KLRF2: variants seen among roughly 807,000 people sequenced by gnomAD.
KLRF2 encodes killer cell lectin-like receptor subfamily F member 2.
A neutral mutation model predicts 25.3 loss-of-function variants in KLRF2; 28 were observed. The observed-to-expected ratio is 1.11, with a 90% CI of 0.82 to 1.52. KLRF2 has a LOEUF of 1.52. Ranked by LOEUF, KLRF2 falls within the 40% of genes most tolerant of loss-of-function variation. KLRF2 has a pLI of 0.00. For synonymous variants in KLRF2, 73 were observed against 85.0 expected, an observed-to-expected ratio of 0.86 and a Z score of 0.78; for missense variants, 265 against 245.8, an observed-to-expected ratio of 1.08 and a Z score of -0.52.
chr12:9,882,424 T>C (rs533506049), intron 1 of KLRF2, among the ~76,000 whole-genome samples: 1 of 152,258 alleles, frequency 6.6e-6, no homozygotes, highest in South Asian at 2.1e-4. Context: ...GAAACAAATG[T>C]TTACTTTTTC....
rs543556102 is a variant in KLRF2, at chr12:9,892,843, C to T, written c.218-177C>T. The stretch of plus-strand genomic sequence containing the variant: ...AGGTGATCCACCCACCTCAGCCTCC[C>T]AAAGTGCTGGGATTACAGGCGTGAG... On this transcript the variant is annotated intron_variant, in intron 3 of 5. Coordinates refer to ENST00000535540, the MANE Select transcript of KLRF2 (RefSeq NM_001190765.1). 1.3e-4 allele frequency among the ~76,000 whole-genome samples: 20 copies of T among 150,886 alleles called. No individual in the cohort carries two copies. The South Asian group carries it at 4.0e-3, about 30-fold the overall frequency.
In KLRF2 at chr12:9,893,074, G is replaced by A. The variant is rs1305355755; in HGVS notation, c.272G>A (p.Trp91Ter). 6.5e-7 allele frequency: 1 copy of A among 1,535,384 alleles called. No homozygotes were observed. The highest frequency in any genetic ancestry group is 8.7e-7 in the Non-Finnish European group (1 of 1,146,474). ...CTGTTGAACGAAGGGAAATGTTACT[G>A]GTTTTCAACTTCTTTTAAAACGTGG... ...DWLLNEGKCY[W>*]FSTSFKTWKE... is the part of the protein sequence containing the mutation. Residue 91 changes from tryptophan to a stop codon, truncating the protein, a stop_gained, in exon 4 of 6, where the codon TGG (tryptophan) becomes TAG (stop). Transcript: ENST00000535540. LOFTEE classifies it high-confidence loss of function.
chr12:9,895,787 G>T lies in KLRF2; in HGVS notation c.578G>T (p.Cys193Phe), dbSNP rs568655112. 15 of 1,535,582 alleles carry T rather than the reference G, an allele frequency of 9.8e-6. No individual in the cohort carries two copies. The South Asian group carries it at 1.2e-4, about 12-fold the overall frequency. ...EDCSSTFKGICQRDAILTHNG... is the reference protein window; with the variant it reads ...EDCSSTFKGIFQRDAILTHNG... ...TGTAGCTCCACATTTAAGGGCATTT[G>T]CCAGAGAGATGCGATCTTGACGCAC... Residue 193 changes from cysteine to phenylalanine, a missense_variant, in exon 6 of 6, where the codon TGC (cysteine) becomes TTC (phenylalanine). Coordinates refer to ENST00000535540, the MANE Select transcript of KLRF2 (RefSeq NM_001190765.1).
chr12:9,885,609 G>C (rs1271453004), intron 2 of KLRF2, among the ~76,000 whole-genome samples: 2 of 151,920 alleles, frequency 1.3e-5, no homozygotes, highest in Non-Finnish European at 2.9e-5. Flanking sequence ...CTGTAGCGTA[G>C]AAGATCCTTT....
intron 2 of KLRF2, among the ~76,000 whole-genome samples, chr12:9,887,703 C>T (rs1224312696): frequency 2.7e-5 from 4 of 149,790 alleles, no homozygotes; most frequent in Non-Finnish European, 4.4e-5. Flanking sequence ...GCTGAAGGAA[C>T]TTGATGATAT....
At chr12:9,893,570 C>A in intron 5 of KLRF2, 29 bp downstream of exon 5, 1 of 847,608 alleles carries the variant, frequency 1.2e-6, no homozygotes, top group Admixed American at 2.5e-5. Flanking sequence ...GGGAGGGGTG[C>A]TAATGTTTAT....
chr12:9,893,946 T>G (rs1862719918), intron 5 of KLRF2, among the ~76,000 whole-genome samples: 1 of 152,162 alleles, frequency 6.6e-6, no homozygotes, highest in African/African-American at 2.4e-5. Flanking sequence ...GGTCTGGAGT[T>G]GAAATCAGAA....
chr12:9,883,435 C>T (rs1169625911), intron 1 of KLRF2, among the ~76,000 whole-genome samples: 4 of 152,194 alleles, frequency 2.6e-5, no homozygotes, highest in Non-Finnish European at 5.9e-5. Flanking sequence ...CTCTGTTCAC[C>T]TGGCTTGATA....
intron 1 of KLRF2, 29 bp from the exon 2 acceptor site, chr12:9,884,905 C>A: frequency 4.1e-6 from 3 of 740,374 alleles, no homozygotes; most frequent in Non-Finnish European, 6.0e-6. Context: ...AGTGAATAAT[C>A]ACAAGAATTC....
rs1485833513 is a variant in KLRF2 at position 9,888,757 on chromosome 12, ATG to A, written c.196_197del (p.Val66LysfsTer15). ...GATAAAAAAATGGATTTCTCCCAGA[ATG>A]TAAACGTCAGCAGTCTATCAGGTAA... On this transcript the variant is annotated frameshift_variant, in exon 3 of 6. Transcript: ENST00000535540. LOFTEE classifies it high-confidence loss of function. 4.0e-6 allele frequency: 6 copies of A among 1,504,610 alleles called. No individual in the cohort carries two copies. The highest frequency in any genetic ancestry group is 5.4e-6 in the Non-Finnish European group (6 of 1,118,488). The allele number at this position is 1,504,610 out of a possible 1,614,324, so 93.2% of individuals were successfully genotyped here.
chr12:9,892,662 G>A (rs974366953), intron 3 of KLRF2, among the ~76,000 whole-genome samples: 11 of 131,732 alleles, frequency 8.4e-5, no homozygotes, highest in African/African-American at 1.7e-4. Flanking sequence ...ACGGCTCACC[G>A]CAACCTCCAC....
At chr12:9,892,134 A>G (rs571925866) in intron 3 of KLRF2, among the ~76,000 whole-genome samples, 1 of 152,294 alleles carries the variant, frequency 6.6e-6, no homozygotes, top group Non-Finnish European at 1.5e-5. Context: ...TATGATATCT[A>G]TGTGTTGAGT....
intron 2 of KLRF2, among the ~76,000 whole-genome samples, chr12:9,885,838 T>C (rs1862590717): frequency 6.6e-6 from 1 of 152,056 alleles, no homozygotes. Context: ...TAACATTCAA[T>C]GTTAAACGAC....
intron 1 of KLRF2, among the ~76,000 whole-genome samples, chr12:9,883,243 A>T (rs2136993036): frequency 6.6e-6 from 1 of 152,296 alleles, no homozygotes; most frequent in South Asian, 2.1e-4. Flanking sequence ...TTGATCCTAA[A>T]TCAGAAAAAA....
chr12:9,887,724 GTT>G (rs79181089), intron 2 of KLRF2, among the ~76,000 whole-genome samples: 18 of 133,464 alleles, frequency 1.3e-4, no homozygotes, highest in Admixed American at 1.5e-4. Flanking sequence ...GGTCAAAAGA[GTT>G]TTTTTTTTTT....
chr12:9,892,998 T>C, intron 3 of KLRF2, 22 bp from the exon 4 acceptor site: 1 of 1,516,070 alleles, frequency 6.6e-7, no homozygotes, highest in Non-Finnish European at 8.8e-7. Flanking sequence ...TTTAATTAAT[T>C]TTCCCCTATG....
intron 1 of KLRF2, among the ~76,000 whole-genome samples, chr12:9,882,099 G>A (rs886342104): frequency 4.6e-5 from 7 of 151,540 alleles, no homozygotes; most frequent in African/African-American, 1.5e-4. Context: ...CTGGGAATGC[G>A]AGAAGAGAGA....
chr12:9,884,910 G>T, intron 1 of KLRF2, 24 bp from the exon 2 acceptor site: 2 of 789,884 alleles, frequency 2.5e-6, no homozygotes, highest in African/African-American at 1.8e-5. Flanking sequence ...ATAATCACAA[G>T]AATTCTAAAA....
intron 5 of KLRF2, among the ~76,000 whole-genome samples, chr12:9,894,130 C>CTT (rs1565524091): frequency 3.0e-5 from 4 of 131,482 alleles, no homozygotes; most frequent in Admixed American, 2.3e-4. Context: ...TTTTCTTTCT[C>CTT]TCTCTCTCTC....
Sources: allele counts gnomAD v4.1 joint callset (sites outside exome capture counted in the v4.1 genomes callset), GRCh38; gene constraint gnomAD v4.1.1; transcripts MANE v1.5; gene names NCBI Gene and HGNC (gene_info 2026-07-23, HGNC 2026-07-21).